Variants in SESTD1 observed in about 807,000 individuals in gnomAD.
The protein encoded by SESTD1 is SEC14 domain and spectrin repeat-containing protein 1.
SESTD1 carries 43 observed loss-of-function variants against 101.7 expected under a neutral mutation model. The ratio of observed to expected loss-of-function variants is 0.42; its 90% CI spans 0.33 to 0.55. The LOEUF (loss-of-function observed/expected upper bound fraction) is 0.55, where lower values mean the gene tolerates loss of function less well. SESTD1 is among the 20% of genes least tolerant of loss of function. The pLI is 0.07. For missense variants in SESTD1, 647 were observed against 815.1 expected (o/e 0.79, Z 2.51); for synonymous variants, 283 against 286.8 (o/e 0.99, Z 0.13).
At position 179,121,841 on chromosome 2, in the gene SESTD1, T is replaced by TA. The variant is rs780402097; in HGVS notation, c.1370dup (p.Thr458AsnfsTer3). 1 of 1,610,750 alleles carries TA rather than the reference T, an allele frequency of 6.2e-7. No individual in the cohort carries two copies. Among genetic ancestry groups the TA allele is most frequent in the Non-Finnish European group, 8.5e-7 (1 of 1,178,534 alleles). On this transcript the variant is annotated frameshift_variant, in exon 13 of 18. Coordinates refer to ENST00000428443, the MANE Select transcript of SESTD1 (RefSeq NM_178123.5). LOFTEE classifies it high-confidence loss of function. ...CCACATTTTCTTTATTTTCAATGGTTACATCCTTTCCATAGGCCCAGGATG... is the reference window on the plus strand; with the variant it reads ...CCACATTTTCTTTATTTTCAATGGTTAACATCCTTTCCATAGGCCCAGGATG...
At chr2:179,197,573 C>A (rs191701029) in intron 1 of SESTD1, among the ~76,000 whole-genome samples, 13,287 of 151,826 alleles carry the variant, frequency 0.088, 1,671 homozygotes, top group African/African-American at 0.31. Context: ...GGTCGGGTTA[C>A]CCTCAAAGGG....
intron 9 of SESTD1, among the ~76,000 whole-genome samples, chr2:179,136,173 C>T (rs777863209): frequency 5.3e-5 from 8 of 152,188 alleles, no homozygotes; most frequent in Non-Finnish European, 1.0e-4. Flanking sequence ...AGTTGAAAGA[C>T]TTTGGTTTCT....
intron 1 of SESTD1, among the ~76,000 whole-genome samples, chr2:179,250,152 T>C (rs555566504): frequency 3.3e-5 from 5 of 151,796 alleles, no homozygotes; most frequent in Admixed American, 1.3e-4. Flanking sequence ...CTAGAATACA[T>C]AGAGAAGGCT....
At chr2:179,200,029 T>C (rs1159981060) in intron 1 of SESTD1, among the ~76,000 whole-genome samples, 14 of 152,162 alleles carry the variant, frequency 9.2e-5, no homozygotes, top group South Asian at 2.1e-4. Flanking sequence ...GAAAACCCCA[T>C]TGTCTCAGCC....
At chr2:179,211,301 A>G (rs1359937230) in intron 1 of SESTD1, among the ~76,000 whole-genome samples, 2 of 124,640 alleles carry the variant, frequency 1.6e-5, no homozygotes, top group Admixed American at 7.5e-5. Context: ...ACAGAATTAG[A>G]AAAAAAATCC....
At chr2:179,149,135 T>C (rs1458921947) in intron 7 of SESTD1, among the ~76,000 whole-genome samples, 162 bp downstream of exon 7, 1 of 149,592 alleles carries the variant, frequency 6.7e-6, no homozygotes, top group Non-Finnish European at 1.5e-5. Flanking sequence ...ACATTTTACA[T>C]GTAAAGCAAA....
chr2:179,226,351 G>A (rs143503761), intron 1 of SESTD1, among the ~76,000 whole-genome samples: 21 of 152,296 alleles, frequency 1.4e-4, no homozygotes, highest in African/African-American at 5.1e-4. Context: ...GAGGCAGGCA[G>A]GCATGCCGGC....
intron 2 of SESTD1, among the ~76,000 whole-genome samples, chr2:179,189,180 AATACTAGC>A (rs1426185375): frequency 7.2e-5 from 11 of 152,282 alleles, no homozygotes; most frequent in Middle Eastern, 3.4e-3. Flanking sequence ...TCCTCAACAA[AATACTAGC>A]AAACGGAATC....
intron 4 of SESTD1, among the ~76,000 whole-genome samples, chr2:179,173,600 A>C (rs558800663): frequency 6.6e-6 from 1 of 152,318 alleles, no homozygotes; most frequent in African/African-American, 2.4e-5. Flanking sequence ...CTAAGATAAC[A>C]GAGTTAAAAA....
At chr2:179,225,285 T>C (rs6727659) in intron 1 of SESTD1, among the ~76,000 whole-genome samples, 3,204 of 152,218 alleles carry the variant, frequency 0.021, 96 homozygotes, top group African/African-American at 0.074. Context: ...TTTTTTCCCG[T>C]ATCTCCTACA....
chr2:179,199,017 C>G (rs531174743), intron 1 of SESTD1, among the ~76,000 whole-genome samples: 8 of 152,106 alleles, frequency 5.3e-5, no homozygotes, highest in African/African-American at 1.2e-4. Flanking sequence ...GAATCCAGGA[C>G]CTGGTTTTTT....
chr2:179,197,638 G>C (rs201941391), intron 1 of SESTD1, among the ~76,000 whole-genome samples: 1 of 144,764 alleles, frequency 6.9e-6, no homozygotes, highest in Non-Finnish European at 1.5e-5. Flanking sequence ...AGCCAGAAGA[G>C]AGTGGGGGCC....
intron 5 of SESTD1, among the ~76,000 whole-genome samples, chr2:179,165,085 T>C (rs1028817140): frequency 6.6e-6 from 1 of 152,216 alleles, no homozygotes; most frequent in Non-Finnish European, 1.5e-5. Context: ...ATGGATAGTG[T>C]TGAACTGCCC....
chr2:179,117,402 T>C (rs548508845), intron 14 of SESTD1, 130 bp downstream of exon 14: 8 of 285,956 alleles, frequency 2.8e-5, no homozygotes, highest in South Asian at 1.1e-4. Context: ...TTCAACAAGA[T>C]AGATAAACTA....
intron 5 of SESTD1, among the ~76,000 whole-genome samples, chr2:179,168,601 G>A (rs967090968): frequency 6.6e-6 from 1 of 151,776 alleles, no homozygotes; most frequent in Non-Finnish European, 1.5e-5. Context: ...CAAAAAATGA[G>A]ACAATTCAAT....
chr2:179,228,288 C>T (rs148754001), intron 1 of SESTD1, among the ~76,000 whole-genome samples: 2 of 152,308 alleles, frequency 1.3e-5, no homozygotes, highest in African/African-American at 4.8e-5. Flanking sequence ...CTCAACACTA[C>T]TCCCGGCCTG....
chr2:179,253,578 G>C (rs940957797), intron 1 of SESTD1, among the ~76,000 whole-genome samples: 2 of 152,086 alleles, frequency 1.3e-5, no homozygotes, highest in Admixed American at 6.6e-5. Flanking sequence ...AATTTTCCAA[G>C]AAGTAAAAAA....
intron 11 of SESTD1, among the ~76,000 whole-genome samples, 165 bp from the exon 12 acceptor site, chr2:179,123,994 C>A (rs1003920984): frequency 6.6e-6 from 1 of 152,164 alleles, no homozygotes; most frequent in Non-Finnish European, 1.5e-5. Context: ...ATCTGGAAGA[C>A]AGAACACACA....
At position 179,146,465 on chromosome 2, in the gene SESTD1, A is replaced by C; in HGVS notation, c.582-8T>G. ...AAGTTTAAATCCACAGACCTGGAAA[A>C]CACCAAAGGAGTAATTTTCAAAAGG... On this transcript the variant is annotated splice_polypyrimidine_tract_variant and splice_region_variant and intron_variant, in intron 7 of 17. Coordinates refer to ENST00000428443, the MANE Select transcript of SESTD1 (RefSeq NM_178123.5). 1.9e-6 allele frequency: 3 copies of C among 1,609,794 alleles called. No homozygotes were observed. Among genetic ancestry groups the C allele is most frequent in the Non-Finnish European group, 1.7e-6 (2 of 1,178,426 alleles).
Sources: gnomAD v4.1 joint callset for allele counts (sites outside exome capture counted in the v4.1 genomes callset) on GRCh38, gnomAD v4.1.1 for gene constraint, MANE v1.5 for transcripts, NCBI Gene and HGNC (gene_info 2026-07-23, HGNC 2026-07-21) for gene names.